SNTG1: variants seen among roughly 807,000 people sequenced by gnomAD.
SNTG1 encodes the protein gamma-1-syntrophin.
Under a neutral mutation model 74.7 loss-of-function variants are expected in SNTG1, and 39 were observed. That is an observed-to-expected ratio of 0.52 (90% CI 0.40 to 0.68). The LOEUF is 0.68. Ranked by LOEUF, SNTG1 falls within the 30% of genes least tolerant of loss-of-function variation. SNTG1 has a pLI of 0.00. For synonymous variants in SNTG1, 254 were observed against 217.1 expected (o/e 1.17, Z -1.49); for missense variants, 685 against 609.5 (o/e 1.12, Z -1.30).
At chr8:50,546,421 G>A (rs758184044) in intron 11 of SNTG1, among the ~76,000 whole-genome samples, 2 of 152,062 alleles carry the variant, frequency 1.3e-5, no homozygotes, top group South Asian at 2.1e-4. Flanking sequence ...TAGGGTACAC[G>A]TGCACAACGT....
Position 50,289,079 on chromosome 8 carries a change from T to C in SNTG1, c.-27-105133T>C, listed in dbSNP as rs145033562. ...TACATTTTGCTTTGCAAAGTTCCTC[T>C]AAGAGGAGCAAAATGGTAATGTTCA... On this transcript the variant is annotated intron_variant, in intron 2 of 18. Transcript: ENST00000642720. 3.3e-4 allele frequency among the ~76,000 whole-genome samples: 50 copies of C among 152,306 alleles called. No individual in the cohort carries two copies. In the East Asian group the frequency reaches 9.6e-3, roughly 29 times the overall value.
At chr8:50,546,503 G>C (rs35689198) in intron 11 of SNTG1, among the ~76,000 whole-genome samples, 3,665 of 151,364 alleles carry the variant, frequency 0.024, 149 homozygotes, top group African/African-American at 0.083. Context: ...TTTAGCATTA[G>C]GTATATCTCC....
rs953191492 is a variant in SNTG1 at position 50,009,812 on chromosome 8, A to G, written c.-103+97581A>G. On this transcript the variant is annotated intron_variant, in intron 1 of 18. Coordinates refer to ENST00000642720, the MANE Select transcript of SNTG1 (RefSeq NM_018967.5). ...CAGGAGTTTGAGACCAGCCTGGGAA[A>G]CATGGCAAAACCCCATCTCTACTAA... Among the ~76,000 whole-genome samples the G allele has an allele frequency of 1.2e-4, 18 of 152,136 alleles. 1 individual carries two copies. The highest frequency in any genetic ancestry group is 1.2e-3 in the Admixed American group (18 of 15,268).
intron 2 of SNTG1, among the ~76,000 whole-genome samples, chr8:50,267,907 C>T (rs1055740899): frequency 6.6e-6 from 1 of 152,152 alleles, no homozygotes; most frequent in African/African-American, 2.4e-5. Context: ...TATACATGCT[C>T]ACCACTTTTA....
intron 1 of SNTG1, among the ~76,000 whole-genome samples, chr8:50,086,672 T>C (rs922371789): frequency 2.6e-5 from 4 of 152,082 alleles, no homozygotes; most frequent in Non-Finnish European, 5.9e-5. Context: ...AGAATGGCAA[T>C]TTTGGGAATC....
At chr8:50,168,138 C>T (rs942349224) in intron 1 of SNTG1, among the ~76,000 whole-genome samples, 3 of 151,894 alleles carry the variant, frequency 2.0e-5, no homozygotes, top group Non-Finnish European at 4.4e-5. Flanking sequence ...CATTAATAAT[C>T]TTTTTCTAAA....
chr8:50,399,764 A>G (rs2092777397), intron 3 of SNTG1, among the ~76,000 whole-genome samples: 1 of 137,894 alleles, frequency 7.3e-6, no homozygotes, highest in South Asian at 2.3e-4. Flanking sequence ...GACTTTGTGT[A>G]AAAACATAGA....
chr8:49,917,531 T>C (rs1806152964), intron 1 of SNTG1, among the ~76,000 whole-genome samples: 1 of 152,168 alleles, frequency 6.6e-6, no homozygotes, highest in Non-Finnish European at 1.5e-5. Flanking sequence ...TTGTATACAA[T>C]GGCTAGTACA....
intron 2 of SNTG1, among the ~76,000 whole-genome samples, chr8:50,218,843 A>G (rs2084919604): frequency 6.6e-6 from 1 of 152,206 alleles, no homozygotes; most frequent in South Asian, 2.1e-4. Flanking sequence ...ACAAAGTAAG[A>G]GGAATCCAGA....
chr8:50,524,169 T>C (rs1477867617), intron 9 of SNTG1, among the ~76,000 whole-genome samples: 1 of 152,104 alleles, frequency 6.6e-6, no homozygotes, highest in Non-Finnish European at 1.5e-5. Context: ...AGGTATTGCA[T>C]AGAACATACT....
intron 13 of SNTG1, among the ~76,000 whole-genome samples, chr8:50,624,302 T>C (rs72643645): frequency 0.037 from 5,689 of 151,884 alleles, 168 homozygotes; most frequent in Non-Finnish European, 0.06. Flanking sequence ...ATTTAGCTTT[T>C]GACCTCTGAA....
chr8:50,613,797 A>G (rs1475349311), intron 13 of SNTG1, among the ~76,000 whole-genome samples: 3 of 152,176 alleles, frequency 2.0e-5, no homozygotes, highest in East Asian at 1.9e-4. Flanking sequence ...TGAAGACAAC[A>G]TAATTGTCTT....
intron 8 of SNTG1, among the ~76,000 whole-genome samples, chr8:50,480,184 C>A (rs1231990517): frequency 6.6e-6 from 1 of 152,000 alleles, no homozygotes; most frequent in Non-Finnish European, 1.5e-5. Context: ...ACTCTCCTCC[C>A]ACCTTCTTGC....
intron 2 of SNTG1, among the ~76,000 whole-genome samples, chr8:50,322,133 T>A (rs1482701764): frequency 6.6e-6 from 1 of 152,052 alleles, no homozygotes; most frequent in African/African-American, 2.4e-5. Context: ...ATTATTATAC[T>A]TTAAGTTTTA....
intron 9 of SNTG1, among the ~76,000 whole-genome samples, chr8:50,511,639 T>C (rs2094076817): frequency 6.6e-6 from 1 of 152,230 alleles, no homozygotes; most frequent in Admixed American, 6.5e-5. Flanking sequence ...TTAGATCTTC[T>C]TGTTGAATTG....
chr8:50,330,416 C>A (rs966929058), intron 2 of SNTG1, among the ~76,000 whole-genome samples: 1 of 152,060 alleles, frequency 6.6e-6, no homozygotes, highest in African/African-American at 2.4e-5. Flanking sequence ...CAGACTAATA[C>A]AACATCATCA....
At chr8:49,916,743 T>C (rs913162383) in intron 1 of SNTG1, among the ~76,000 whole-genome samples, 4 of 152,074 alleles carry the variant, frequency 2.6e-5, no homozygotes, top group Admixed American at 6.6e-5. Context: ...CAGTGGCTCA[T>C]GCCTATAATC....
intron 8 of SNTG1, among the ~76,000 whole-genome samples, chr8:50,488,310 A>G (rs1038610819): frequency 5.9e-5 from 9 of 152,176 alleles, no homozygotes; most frequent in African/African-American, 2.2e-4. Flanking sequence ...GTTTACATGT[A>G]GTTTTATTTG....
intron 1 of SNTG1, among the ~76,000 whole-genome samples, chr8:50,024,887 G>A (rs1004879733): frequency 5.9e-5 from 9 of 152,028 alleles, no homozygotes; most frequent in African/African-American, 2.2e-4. Flanking sequence ...TTCATGTCCC[G>A]TGGCAAGACG....
Sources: gnomAD v4.1 joint callset for allele counts (sites outside exome capture counted in the v4.1 genomes callset) on GRCh38, gnomAD v4.1.1 for gene constraint, MANE v1.5 for transcripts, NCBI Gene and HGNC (gene_info 2026-07-23, HGNC 2026-07-21) for gene names.